The following USP24 variants were observed in gnomAD, a reference collection of about 807,000 sequenced individuals.
USP24 encodes the protein ubiquitin specific peptidase 24.
A neutral mutation model predicts 361.6 loss-of-function variants in USP24; 97 were observed. The observed-to-expected ratio is 0.27, with a 90% confidence interval of 0.23 to 0.32. The LOEUF (loss-of-function observed/expected upper bound fraction) is 0.32. Among genes scored for constraint, USP24 ranks in the 10% least tolerant of loss-of-function variants. The pLI, the probability that USP24 is intolerant of heterozygous loss-of-function variation, is 1.00. For missense variants in USP24, 2,353 were observed against 3,165.6 expected (o/e 0.74, Z 6.16); for synonymous variants, 1,098 against 1,124.6 (o/e 0.98, Z 0.47).
intron 2 of USP24, among the ~76,000 whole-genome samples, chr1:55,177,753 T>C (rs1476980375): frequency 2.0e-5 from 3 of 152,204 alleles, no homozygotes; most frequent in African/African-American, 7.2e-5. Flanking sequence ...CATTAAGCTT[T>C]TCAATTATAT....
At chr1:55,074,107 TAAAAAAAAAAAAAAAAAAAAACC>T (rs1430087639) in intron 63 of USP24, among the ~76,000 whole-genome samples, 1 of 123,486 alleles carries the variant, frequency 8.1e-6, no homozygotes, top group Non-Finnish European at 1.7e-5. Context: ...TAAGTATGTT[TAAAAAAAAAAAAAAAAAAAAACC>T]ACAACAAAAA....
chr1:55,072,244 C>A, intron 66 of USP24, 73 bp downstream of exon 66: 1 of 1,258,352 alleles, frequency 7.9e-7, no homozygotes, highest in Non-Finnish European at 1.1e-6. Context: ...TCAGAGGTTG[C>A]AGTTTCTGAG....
intron 31 of USP24, among the ~76,000 whole-genome samples, chr1:55,131,499 C>T (rs535202009): frequency 2.0e-5 from 3 of 152,114 alleles, no homozygotes; most frequent in Non-Finnish European, 4.4e-5. Context: ...TAAGGACATA[C>T]TTAATTTTTA....
At chr1:55,142,890 T>G in intron 22 of USP24, 89 bp downstream of exon 22, 1 of 1,427,222 alleles carries the variant, frequency 7.0e-7, no homozygotes. Flanking sequence ...CAATTTTTGG[T>G]CATGCCAAGG....
chr1:55,165,818 C>T lies in USP24; in HGVS notation c.927+67G>A, dbSNP rs906485217. On this transcript the variant is annotated intron_variant, in intron 7 of 67. Transcript: ENST00000294383. ...TAACTTGGCATGTCCAGACCATATC[C>T]TCTGGCTGTACACCAACTCAAGTGA... The T allele has an allele frequency of 6.6e-6, 9 of 1,372,094 alleles. No homozygotes were observed. The African/African-American group carries it at 1.0e-4, about 16-fold the overall frequency. The allele number at this position is 1,372,094 out of a possible 1,614,324, so 85.0% of individuals were successfully genotyped here.
chr1:55,120,390 T>A (rs1646245777), intron 38 of USP24, among the ~76,000 whole-genome samples: 1 of 152,014 alleles, frequency 6.6e-6, no homozygotes. Flanking sequence ...TGGGGTGAAG[T>A]GAGAACTGAG....
At chr1:55,178,206 C>T (rs1650184160) in intron 1 of USP24, 74 bp from the exon 2 acceptor site, 2 of 1,477,542 alleles carry the variant, frequency 1.4e-6, no homozygotes, top group Admixed American at 2.1e-5. Flanking sequence ...CTATGTAACA[C>T]AGAGCAGATA....
chr1:55,082,158 T>C (rs868237940), intron 58 of USP24, among the ~76,000 whole-genome samples: 8 of 152,188 alleles, frequency 5.3e-5, no homozygotes, highest in African/African-American at 1.7e-4. Flanking sequence ...GTGTAATGTG[T>C]TTACACACAG....
At chr1:55,200,015 T>A (rs1375946985) in intron 1 of USP24, among the ~76,000 whole-genome samples, 1 of 152,190 alleles carries the variant, frequency 6.6e-6, no homozygotes, top group Non-Finnish European at 1.5e-5. Context: ...TCAGATCTTG[T>A]GAGACTTATT....
At chr1:55,080,249 C>CT (rs1450550217) in intron 59 of USP24, among the ~76,000 whole-genome samples, 1 of 152,144 alleles carries the variant, frequency 6.6e-6, no homozygotes, top group Non-Finnish European at 1.5e-5. Flanking sequence ...AATTAGGTAG[C>CT]TTTGTCTTTT....
chr1:55,157,760 G>C (rs1179377017), intron 10 of USP24, among the ~76,000 whole-genome samples: 11 of 151,724 alleles, frequency 7.3e-5, no homozygotes. Flanking sequence ...CTTGAACCTA[G>C]GAGGCGGAGG....
chr1:55,131,083 T>C (rs1047767504), intron 31 of USP24, among the ~76,000 whole-genome samples: 8 of 152,172 alleles, frequency 5.3e-5, no homozygotes, highest in Non-Finnish European at 1.2e-4. Context: ...AATATAGGTG[T>C]TTAAAATTAC....
chr1:55,193,495 G>A (rs534937787), intron 1 of USP24, among the ~76,000 whole-genome samples: 9 of 152,234 alleles, frequency 5.9e-5, no homozygotes, highest in East Asian at 1.9e-4. Flanking sequence ...ACAGATCATC[G>A]ATTCCAGGAT....
chr1:55,077,794 T>A (rs1220825282), intron 61 of USP24, among the ~76,000 whole-genome samples: 1 of 152,152 alleles, frequency 6.6e-6, no homozygotes, highest in Non-Finnish European at 1.5e-5. Flanking sequence ...TTTATATGTA[T>A]AAAAGTGGGA....
In USP24 at chr1:55,101,669, C is replaced by A; in HGVS notation, c.5060G>T (p.Gly1687Val). ...LPPVDSRSSSGFVGLRNGGAT... is the reference protein window; with the variant it reads ...LPPVDSRSSSVFVGLRNGGAT... ...ACCACCATTTCTCAGCCCCACAAACCCTGAACTGGACCTGCTATCCACTGG... is the reference window on the plus strand; with the variant it reads ...ACCACCATTTCTCAGCCCCACAAACACTGAACTGGACCTGCTATCCACTGG... Residue 1687 changes from glycine (G) to valine (V), a missense_variant, in exon 43 of 68, where the codon GGG becomes GTG. Physicochemically the swap from Gly to Val is moderately radical, Grantham distance 109. Around this residue, in one of 8 missense-constraint regions of USP24, gnomAD observed 949 missense variants for 1,280.5 expected, o/e 0.74. Transcript: ENST00000294383. 1 of 1,612,786 alleles carries A rather than the reference C, an allele frequency of 6.2e-7. No homozygotes were observed. Among genetic ancestry groups the A allele is most frequent in the Non-Finnish European group, 8.5e-7 (1 of 1,179,526 alleles).
intron 24 of USP24, among the ~76,000 whole-genome samples, chr1:55,141,223 A>C (rs914912905): frequency 2.6e-5 from 4 of 152,226 alleles, no homozygotes; most frequent in Non-Finnish European, 4.4e-5. Context: ...GAGAAAAGCT[A>C]TATCTAAGTA....
At chr1:55,084,958 G>C (rs901742035) in intron 56 of USP24, among the ~76,000 whole-genome samples, 3 of 152,232 alleles carry the variant, frequency 2.0e-5, no homozygotes, top group Non-Finnish European at 4.4e-5. Flanking sequence ...AAGGAGGAGA[G>C]TGATATGGTC....
chr1:55,123,397 A>G, intron 36 of USP24, 50 bp downstream of exon 36: 1 of 1,462,874 alleles, frequency 6.8e-7, no homozygotes, highest in Non-Finnish European at 9.1e-7. Flanking sequence ...CCCAACAGAA[A>G]CTTGGCCTTT....
chr1:55,092,258 A>G, intron 53 of USP24, 132 bp from the exon 54 acceptor site: 1 of 512,960 alleles, frequency 1.9e-6, no homozygotes, highest in South Asian at 4.0e-5. Context: ...TTAAATACTA[A>G]TAAGAAGAAT....
Sources: allele counts gnomAD v4.1 joint callset (sites outside exome capture counted in the v4.1 genomes callset), GRCh38; gene constraint gnomAD v4.1.1; regional missense constraint gnomAD v4.1.1; transcripts MANE v1.5; gene names NCBI Gene and HGNC (gene_info 2026-07-23, HGNC 2026-07-21).